The following DMD variants were observed in gnomAD, a reference collection of about 807,000 sequenced individuals.
DMD encodes the protein dystrophin, also known as mutant dystrophin.
DMD carries 63 observed loss-of-function variants against 330.1 expected under a neutral mutation model. The ratio of observed to expected loss-of-function variants is 0.19; its 90% CI spans 0.16 to 0.24. DMD has a LOEUF of 0.24. DMD is among the 10% of genes least tolerant of loss of function. DMD has a pLI of 1.00. For synonymous variants in DMD, 1,223 were observed against 959.8 expected, an observed-to-expected ratio of 1.27 and a Z score of -5.07; for missense variants, 3,344 against 2,684.1, an observed-to-expected ratio of 1.25 and a Z score of -5.43.
chrX:32,858,819 G>A (rs66888638), intron 2 of DMD, among the ~76,000 whole-genome samples: 19,641 of 109,918 alleles, frequency 0.18, 1,656 homozygotes, highest in African/African-American at 0.31. Context: ...ATTTCTCTTG[G>A]ATGGTTCTAA....
intron 44 of DMD, among the ~76,000 whole-genome samples, chrX:32,100,759 T>G (rs2148095062): frequency 9.0e-6 from 1 of 111,661 alleles, no homozygotes; most frequent in Non-Finnish European, 1.9e-5. Context: ...TTTTGGGAGC[T>G]TGGTCCCATC....
At chrX:33,233,096 C>CA (rs983887237) in intron 1 of DMD, among the ~76,000 whole-genome samples, 6 of 110,053 alleles carry the variant, frequency 5.5e-5, no homozygotes, top group South Asian at 3.8e-4. Flanking sequence ...ATTTTCACCA[C>CA]AAAAAAAATA....
Position 33,059,882 on chromosome X carries a change from G to A in DMD, c.32-39682C>T, listed in dbSNP as rs750857337. On this transcript the variant is annotated intron_variant, in intron 1 of 78. Coordinates refer to ENST00000357033, the MANE Select transcript of DMD (RefSeq NM_004006.3). Reference sequence around the variant, plus strand: ...ATAACAAAATGACAATTTAATCAATGTATTAAATTTTCAAAAGAAAATGCA... The same window carrying A: ...ATAACAAAATGACAATTTAATCAATATATTAAATTTTCAAAAGAAAATGCA... 2.7e-5 allele frequency among the ~76,000 whole-genome samples: 3 copies of A among 111,716 alleles called. No individual in the cohort carries two copies. The South Asian group carries it at 1.1e-3, about 41-fold the overall frequency.
chrX:33,087,382 G>A (rs1004983906), intron 1 of DMD, among the ~76,000 whole-genome samples: 1 of 112,060 alleles, frequency 8.9e-6, no homozygotes, highest in African/African-American at 3.2e-5. Flanking sequence ...TTCATATGGC[G>A]AGACCAATTG....
intron 7 of DMD, among the ~76,000 whole-genome samples, chrX:32,739,090 T>C (rs915074110): frequency 7.1e-5 from 8 of 112,164 alleles, no homozygotes; most frequent in African/African-American, 2.6e-4. Flanking sequence ...AACTAATTCA[T>C]TTAATTCTTG....
chrX:32,665,821 C>T (rs559630066), intron 9 of DMD, among the ~76,000 whole-genome samples: 10 of 112,063 alleles, frequency 8.9e-5, no homozygotes, highest in Admixed American at 3.8e-4. Context: ...GTTTCATCAA[C>T]GTGTTTTCCC....
Position 31,875,173 on chromosome X carries a change from CA to C in DMD, c.7098+14del. The C allele has an allele frequency of 1.7e-6, 2 of 1,190,348 alleles. No homozygotes were observed. The highest frequency in any genetic ancestry group is 2.3e-6 in the Non-Finnish European group (2 of 883,828). On this transcript the variant is annotated intron_variant, in intron 48 of 78. Coordinates refer to ENST00000357033, the MANE Select transcript of DMD (RefSeq NM_004006.3). ...TTAAAAAAGACAAAAATATTTAAAGCAAAAAGTTCCCTACCTTAACGTCAAA... is the reference window on the plus strand; with the variant it reads ...TTAAAAAAGACAAAAATATTTAAAGCAAAAGTTCCCTACCTTAACGTCAAA...
intron 53 of DMD, among the ~76,000 whole-genome samples, chrX:31,670,914 CTT>C (rs751198197): frequency 2.0e-4 from 19 of 96,559 alleles, no homozygotes; most frequent in Non-Finnish European, 1.7e-4. Flanking sequence ...ACAAAACCTT[CTT>C]TTTTTTTTTT....
chrX:32,744,574 C>T (rs1409903512), intron 7 of DMD, among the ~76,000 whole-genome samples: 1 of 111,273 alleles, frequency 9.0e-6, no homozygotes. Context: ...AAAATGAAAT[C>T]CATCTTCTTT....
At chrX:31,133,169 A>G (rs1486429346) in intron 77 of DMD, among the ~76,000 whole-genome samples, 1 of 111,975 alleles carries the variant, frequency 8.9e-6, no homozygotes, top group African/African-American at 3.2e-5. Flanking sequence ...CAAACAGCCC[A>G]GATTTCCTGC....
intron 6 of DMD, among the ~76,000 whole-genome samples, chrX:32,812,266 CAAAA>C (rs1278123843): frequency 1.8e-5 from 2 of 110,122 alleles, no homozygotes; most frequent in Non-Finnish European, 3.8e-5. Context: ...TATGCAAAAA[CAAAA>C]AAACAAAATA....
At chrX:31,284,607 T>TCTTCTTCTTCTTC (rs61693430) in intron 62 of DMD, among the ~76,000 whole-genome samples, 18 of 102,049 alleles carry the variant, frequency 1.8e-4, no homozygotes, top group African/African-American at 2.6e-4. Context: ...TTCTTCTTCT[T>TCTTCTTCTTCTTC]TTTTTTGGCA....
chrX:31,637,605 T>C (rs1385985157), intron 54 of DMD, among the ~76,000 whole-genome samples: 3 of 111,090 alleles, frequency 2.7e-5, no homozygotes, highest in Non-Finnish European at 5.7e-5. Flanking sequence ...TTCCTGGCAA[T>C]TTAATAGATA....
chrX:31,658,747 GTTGT>G (rs2080939179), intron 53 of DMD, among the ~76,000 whole-genome samples: 1 of 112,121 alleles, frequency 8.9e-6, no homozygotes, highest in African/African-American at 3.2e-5. Context: ...CATTTTCTTC[GTTGT>G]TTGTCTTTGG....
At chrX:32,352,163 G>C (rs1297478552) in intron 37 of DMD, among the ~76,000 whole-genome samples, 3 of 110,453 alleles carry the variant, frequency 2.7e-5, no homozygotes, top group Non-Finnish European at 5.7e-5. Flanking sequence ...TTCAAGTAAT[G>C]CTAAATGTTT....
At chrX:31,441,694 T>C (rs995672744) in intron 60 of DMD, among the ~76,000 whole-genome samples, 2 of 112,360 alleles carry the variant, frequency 1.8e-5, no homozygotes, top group African/African-American at 6.5e-5. Flanking sequence ...CTTCCCGCCA[T>C]AGAACTTGGA....
intron 1 of DMD, among the ~76,000 whole-genome samples, chrX:33,205,684 A>C (rs1388582180): frequency 8.9e-6 from 1 of 112,358 alleles, no homozygotes; most frequent in Non-Finnish European, 1.9e-5. Context: ...AGCCAAGAAG[A>C]GGGTAAAAAC....
At chrX:32,497,667 T>G (rs1311134619) in intron 19 of DMD, among the ~76,000 whole-genome samples, 2 of 112,064 alleles carry the variant, frequency 1.8e-5, no homozygotes, top group African/African-American at 6.5e-5. Flanking sequence ...TATGCCTGAT[T>G]GATGAGACTG....
chrX:31,695,569 AT>A (rs1311370995), intron 52 of DMD, among the ~76,000 whole-genome samples: 1 of 85,369 alleles, frequency 1.2e-5, no homozygotes, highest in African/African-American at 5.3e-5. Context: ...ACCCCAAAAA[AT>A]TAAAAATAAA....
Sources: allele counts gnomAD v4.1 joint callset (sites outside exome capture counted in the v4.1 genomes callset), GRCh38; gene constraint gnomAD v4.1.1; transcripts MANE v1.5; gene names NCBI Gene and HGNC (gene_info 2026-07-23, HGNC 2026-07-21).